The following FAT1 variants were observed in gnomAD, a reference collection of about 807,000 sequenced individuals.
FAT1 encodes FAT atypical cadherin 1.
In FAT1, 171 loss-of-function variants were observed where a neutral mutation model predicts 329.8. That is an observed-to-expected ratio of 0.52 (90% CI 0.46 to 0.59). The LOEUF (loss-of-function observed/expected upper bound fraction) is 0.59. FAT1 is among the 20% of genes least tolerant of loss of function. The probability of loss-of-function intolerance (pLI) is 0.00; values close to 1 mark genes in which losing one functional copy is unlikely to be tolerated. For synonymous variants in FAT1, 2,233 were observed against 2,228.6 expected (o/e 1.00, Z -0.06); for missense variants, 5,672 against 5,774.4 (o/e 0.98, Z 0.57).
intron 1 of FAT1, among the ~76,000 whole-genome samples, chr4:186,719,562 C>T (rs1356916416): frequency 5.3e-5 from 8 of 152,166 alleles, no homozygotes; most frequent in Non-Finnish European, 1.2e-4. Context: ...ACCAAGTTTG[C>T]AAACTAACAA....
intron 3 of FAT1, among the ~76,000 whole-genome samples, chr4:186,643,780 GCTC>G (rs903937181): frequency 6.7e-6 from 1 of 149,678 alleles, no homozygotes; most frequent in Non-Finnish European, 1.5e-5. Context: ...CATCACTCCT[GCTC>G]CTCATCCCCC....
chr4:186,635,239 C>T (rs1381617446), intron 6 of FAT1, among the ~76,000 whole-genome samples: 1 of 152,004 alleles, frequency 6.6e-6, no homozygotes, highest in African/African-American at 2.4e-5. Flanking sequence ...ATAAAGTCCC[C>T]CCCAGAGAGA....
chr4:186,708,738 G>A lies in FAT1; in HGVS notation c.1090C>T (p.Pro364Ser), dbSNP rs1338071618. ...HVTSPQFKAG[P>S]VKFEKDVYRA... ...TAAACATCCTTTTCAAACTTGACTG[G>A]CCCGGCTTTGAACTGTGGAGAAGTC... is the stretch of plus-strand genomic sequence containing the variant. The change falls in exon 2 of 27, where the codon CCA becomes TCA. Residue 364 changes from proline to serine, a missense_variant. Around this residue, in one of 2 missense-constraint regions of FAT1, gnomAD observed 3,966 missense variants for 3,915.2 expected, o/e 1.01. Coordinates refer to ENST00000441802, the MANE Select transcript of FAT1 (RefSeq NM_005245.4). 1.9e-6 allele frequency: 3 copies of A among 1,613,936 alleles called. No homozygotes were observed. In the East Asian group the frequency reaches 6.7e-5, roughly 36 times the overall value.
intron 13 of FAT1, among the ~76,000 whole-genome samples, 182 bp from the exon 14 acceptor site, chr4:186,611,957 G>A (rs1040764554): frequency 2.0e-5 from 3 of 151,678 alleles, no homozygotes; most frequent in Non-Finnish European, 2.9e-5. Context: ...CCGAGTGGCT[G>A]GGGTTACAGA....
chr4:186,687,828 C>T (rs1443105230), intron 2 of FAT1, among the ~76,000 whole-genome samples: 2 of 152,110 alleles, frequency 1.3e-5, no homozygotes, highest in African/African-American at 4.8e-5. Flanking sequence ...TAGCAGAAGG[C>T]AGTCAACAAA....
At chr4:186,714,277 T>G (rs1579501356) in intron 1 of FAT1, among the ~76,000 whole-genome samples, 13 of 147,270 alleles carry the variant, frequency 8.8e-5, no homozygotes, top group African/African-American at 1.3e-4. Context: ...GATGCTGGAG[T>G]GGGGAGAGGG....
rs2126429215 is a variant in FAT1 at position 186,603,505 on chromosome 4, C to G, written c.11021G>C (p.Arg3674Thr). 1 of 1,613,968 alleles carries G rather than the reference C, an allele frequency of 6.2e-7. No individual in the cohort carries two copies. The highest frequency in any genetic ancestry group is 8.5e-7 in the Non-Finnish European group (1 of 1,179,882). Reference sequence around the variant, plus strand: ...ACTAACAATCTGTATGTCGTTCCTCCTCACACCCAGGATGTTCCGTAAAGC... The same window carrying G: ...ACTAACAATCTGTATGTCGTTCCTCGTCACACCCAGGATGTTCCGTAAAGC... ...QRALRNILGV[R>T]RNDIQIVSLQ... The change falls in exon 19 of 27, where the codon AGG (arginine) becomes ACG (threonine). Residue 3674 changes from arginine to threonine, a missense_variant. Arg to Thr is a moderately conservative substitution (Grantham distance 71). Transcript: ENST00000441802.
intron 1 of FAT1, among the ~76,000 whole-genome samples, chr4:186,717,385 G>A (rs62342733): frequency 0.053 from 8,024 of 152,232 alleles, 293 homozygotes; most frequent in Non-Finnish European, 0.081. Flanking sequence ...AATCACTTCT[G>A]CTAACTCCAT....
At chr4:186,655,075 T>C (rs186231776) in intron 3 of FAT1, among the ~76,000 whole-genome samples, 4 of 152,300 alleles carry the variant, frequency 2.6e-5, no homozygotes, top group East Asian at 3.9e-4. Context: ...TTGTGTACTA[T>C]GTGATTGCAT....
At position 186,627,522 on chromosome 4, in the gene FAT1, C is replaced by CT. The variant is rs1232611931; in HGVS notation, c.4810+631dup. ...GAACCGTCCAGGACCGCAGCTCCAG[C>CT]TGTTTTTTTTGCTGCCCTTGCTGCC... On this transcript the variant is annotated intron_variant, in intron 9 of 26. Transcript: ENST00000441802. 3.3e-5 allele frequency among the ~76,000 whole-genome samples: 5 copies of CT among 151,308 alleles called. No homozygotes were observed. The East Asian group carries it at 1.0e-3, about 31-fold the overall frequency.
chr4:186,695,057 A>C (rs1193731743), intron 2 of FAT1, among the ~76,000 whole-genome samples: 1 of 152,226 alleles, frequency 6.6e-6, no homozygotes, highest in Non-Finnish European at 1.5e-5. Context: ...AGTTTCAAAA[A>C]TAATCTGTGA....
intron 2 of FAT1, among the ~76,000 whole-genome samples, chr4:186,690,209 C>T (rs767034450): frequency 1.1e-4 from 17 of 152,086 alleles, no homozygotes; most frequent in Non-Finnish European, 5.9e-5. Flanking sequence ...GGCATGAAGC[C>T]GTTATCTCAA....
At chr4:186,704,300 T>C (rs972977933) in intron 2 of FAT1, among the ~76,000 whole-genome samples, 2 of 152,116 alleles carry the variant, frequency 1.3e-5, no homozygotes, top group Non-Finnish European at 2.9e-5. Flanking sequence ...TTCTGGAAAA[T>C]ACCATAAATC....
intron 3 of FAT1, among the ~76,000 whole-genome samples, chr4:186,659,939 C>T (rs7672848): frequency 0.3 from 43,706 of 144,768 alleles, 6,976 homozygotes; most frequent in South Asian, 0.44. Flanking sequence ...CCCTGAACGA[C>T]GCTGGGCGCT....
At position 186,621,108 on chromosome 4, in the gene FAT1, A is replaced by T. The variant is rs2126522233; in HGVS notation, c.5478T>A (p.Thr1826=). ...GACTTAGTACTGTATGAATAGCACC[A>T]GTGCTAGAATCAATAGCAAAATATG... ...VHTYFAIDSS[T]GAIHTVLSLD... Residue 1826 remains threonine (T), a synonymous_variant, in exon 10 of 27, where the codon ACT becomes ACA. Transcript: ENST00000441802. The T allele has an allele frequency of 1.9e-6, 3 of 1,613,790 alleles. No homozygotes were observed. Among genetic ancestry groups the T allele is most frequent in the Non-Finnish European group, 2.5e-6 (3 of 1,179,882 alleles).
rs1362254454 is a variant in FAT1 at position 186,595,835 on chromosome 4, A to C, written c.13001-9T>G. On this transcript the variant is annotated splice_polypyrimidine_tract_variant and intron_variant, in intron 25 of 26. Coordinates refer to ENST00000441802, the MANE Select transcript of FAT1 (RefSeq NM_005245.4). ...AAGATCCACCACTTTTGCTAAAAGG[A>C]AGGATGACAAACAGTAAGTATATGG... The C allele has an allele frequency of 1.1e-5, 17 of 1,613,668 alleles. No homozygotes were observed. Among genetic ancestry groups the C allele is most frequent in the Non-Finnish European group, 1.2e-5 (14 of 1,179,836 alleles).
At chr4:186,601,240 C>T in intron 21 of FAT1, 29 bp downstream of exon 21, 1 of 1,520,380 alleles carries the variant, frequency 6.6e-7, no homozygotes, top group Admixed American at 1.8e-5. Context: ...AAGTCTTCCA[C>T]TAAGATGCAA....
intron 2 of FAT1, among the ~76,000 whole-genome samples, chr4:186,677,098 T>C (rs888203160): frequency 4.6e-5 from 7 of 152,190 alleles, no homozygotes; most frequent in East Asian, 1.9e-4. Context: ...TCTTTTTCTA[T>C]TAAATTTTAT....
chr4:186,707,493 G>A lies in FAT1; in HGVS notation c.2335C>T (p.Pro779Ser), dbSNP rs2126688986. ...METGMLKILS[P>S]LDRETTDKYT... ...TTGTCTGTTGTTTCACGGTCAAGAGGAGATAAAATTTTCAGCATTCCTGTT... is the reference window on the plus strand; with the variant it reads ...TTGTCTGTTGTTTCACGGTCAAGAGAAGATAAAATTTTCAGCATTCCTGTT... The change falls in exon 2 of 27, where the codon CCT (proline) becomes TCT (serine). Residue 779 changes from proline to serine, a missense_variant. Physicochemically the swap from Pro to Ser is moderately conservative, Grantham distance 74 (BLOSUM62 -1). Transcript: ENST00000441802. The A allele has an allele frequency of 6.2e-7, 1 of 1,613,982 alleles. No homozygotes were observed. Among genetic ancestry groups the A allele is most frequent in the Admixed American group, 1.7e-5 (1 of 60,028 alleles).
Sources: allele counts gnomAD v4.1 joint callset (sites outside exome capture counted in the v4.1 genomes callset), GRCh38; gene constraint gnomAD v4.1.1; regional missense constraint gnomAD v4.1.1; transcripts MANE v1.5; gene names NCBI Gene and HGNC (gene_info 2026-07-23, HGNC 2026-07-21).